Variants in CHCT1 observed in about 807,000 individuals in gnomAD.
CHCT1 encodes the protein CHD1 helical C-terminal domain containing protein 1.
chr17:60,426,869 C>A, the CHCT1 span: 1 of 1,549,344 alleles, frequency 6.5e-7, no homozygotes, highest in South Asian at 1.2e-5. Flanking sequence ...GTTGATGTGT[C>A]CTTAGACTTG....
At chr17:60,425,793 T>C in the CHCT1 span, 3 of 1,551,216 alleles carry the variant, frequency 1.9e-6, no homozygotes, top group Non-Finnish European at 1.7e-6. Context: ...GTGACAAATG[T>C]GTCATGCCTG....
the CHCT1 span, chr17:60,425,762 G>C: frequency 4.6e-6 from 7 of 1,531,010 alleles, no homozygotes; most frequent in Non-Finnish European, 6.2e-6. Flanking sequence ...CCCCGGCTTA[G>C]TGCCCCCTGC....
At chr17:60,428,241 G>A in the CHCT1 span, among the ~76,000 whole-genome samples, 13 of 152,082 alleles carry the variant, frequency 8.5e-5, no homozygotes, top group Admixed American at 3.9e-4. Context: ...GTAATTTGTC[G>A]CAGTCTTTAT....
At chr17:60,421,618 G>A in the CHCT1 span, 3 of 978,218 alleles carry the variant, frequency 3.1e-6, no homozygotes, top group African/African-American at 3.5e-5. Context: ...CTCGTCGCCG[G>A]GACCCCGCCG....
At chr17:60,425,870 G>C in the CHCT1 span, 1 of 1,551,402 alleles carries the variant, frequency 6.4e-7, no homozygotes, top group Middle Eastern at 1.7e-4. Context: ...CCTGGATCAG[G>C]ACACCTTCAA....
the CHCT1 span, chr17:60,426,545 C>A: frequency 1.8e-4 from 199 of 1,121,938 alleles, no homozygotes; most frequent in Non-Finnish European, 2.2e-4. Context: ...CGCTCAATAC[C>A]AGGATAGGAT....
chr17:60,421,378 G>A, the CHCT1 span: 9 of 985,506 alleles, frequency 9.1e-6, 1 homozygote, highest in South Asian at 3.8e-4. Context: ...CCTACTTGAA[G>A]CCGCTATGCC....
chr17:60,421,625 G>A, the CHCT1 span: 6 of 974,454 alleles, frequency 6.2e-6, no homozygotes, highest in African/African-American at 5.3e-5. Flanking sequence ...CCGGGACCCC[G>A]CCGTGTGCCG....
chr17:60,426,361 C>T, the CHCT1 span: 2 of 1,533,418 alleles, frequency 1.3e-6, no homozygotes, highest in East Asian at 2.5e-5. Context: ...TTGCTCTGCT[C>T]CCCATACCTA....
the CHCT1 span, among the ~76,000 whole-genome samples, chr17:60,423,590 A>G: frequency 2.1e-3 from 315 of 151,740 alleles, 1 homozygote; most frequent in African/African-American, 7.1e-3. Flanking sequence ...CAGCCTCCCA[A>G]GTAGATGGGA....
At chr17:60,426,014 G>A in the CHCT1 span, 1 of 1,262,756 alleles carries the variant, frequency 7.9e-7, no homozygotes, top group Non-Finnish European at 1.1e-6. Flanking sequence ...AGGACTTTTG[G>A]TGAGAGGTGC....
the CHCT1 span, chr17:60,422,487 C>T: frequency 3.2e-5 from 49 of 1,533,982 alleles, 1 homozygote; most frequent in South Asian, 5.8e-4. Context: ...AGTTCTGGAG[C>T]CAAACCGCCC....
chr17:60,430,122 C>CCTTTTTTTTTTTTT, the CHCT1 span, among the ~76,000 whole-genome samples: 2 of 64,316 alleles, frequency 3.1e-5, no homozygotes, highest in African/African-American at 7.0e-5. Flanking sequence ...ACGCACCTGG[C>CCTTTTTTTTTTTTT]TTTTTTTTTT....
At chr17:60,431,313 A>T in the CHCT1 span, 1 of 1,399,562 alleles carries the variant, frequency 7.1e-7, no homozygotes, top group African/African-American at 1.5e-5. Flanking sequence ...CTCTCAGAGC[A>T]CGGGGAATGG....
chr17:60,429,350 G>A, the CHCT1 span: 1 of 1,609,734 alleles, frequency 6.2e-7, no homozygotes, highest in African/African-American at 1.3e-5. Context: ...TAACACGGAG[G>A]CTCCATGGCA....
the CHCT1 span, chr17:60,421,783 C>A: frequency 1.1e-6 from 1 of 935,020 alleles, no homozygotes; most frequent in Non-Finnish European, 1.3e-6. Flanking sequence ...CCCTGGAGGG[C>A]TCGCGGGTAG....
the CHCT1 span, chr17:60,422,539 G>T: frequency 6.5e-7 from 1 of 1,548,066 alleles, no homozygotes; most frequent in Middle Eastern, 2.2e-4. Flanking sequence ...TGGGTCAGAA[G>T]CCAGAGGGGA....
At chr17:60,426,007 A>T in the CHCT1 span, 20 of 1,262,610 alleles carry the variant, frequency 1.6e-5, no homozygotes, top group African/African-American at 3.0e-4. Context: ...CTTGGTAAGG[A>T]CTTTTGGTGA....
At chr17:60,424,727 G>T in the CHCT1 span, among the ~76,000 whole-genome samples, 11 of 152,166 alleles carry the variant, frequency 7.2e-5, 1 homozygote, top group Admixed American at 6.5e-4. Context: ...TACAAAATTA[G>T]CCAGGCGTTG....
Sources: allele counts gnomAD v4.1 joint callset (sites outside exome capture counted in the v4.1 genomes callset), GRCh38; gene constraint gnomAD v4.1.1; transcripts MANE v1.5; gene names NCBI Gene and HGNC (gene_info 2026-07-23, HGNC 2026-07-21).